The following C1QTNF3 variants were observed in gnomAD, a reference collection of about 807,000 sequenced individuals.
The protein encoded by C1QTNF3 is C1q and TNF related 3, also known as complement C1q tumor necrosis factor-related protein 3.
C1QTNF3 carries 26 observed loss-of-function variants against 32.6 expected under a neutral mutation model. The observed-to-expected ratio is 0.80, with a 90% CI of 0.58 to 1.11. The LOEUF (loss-of-function observed/expected upper bound fraction) is 1.11. C1QTNF3 is among the 50% of genes least tolerant of loss of function. The pLI, the probability that C1QTNF3 is intolerant of heterozygous loss-of-function variation, is 0.00. For synonymous variants in C1QTNF3, 155 were observed against 146.0 expected (o/e 1.06, Z -0.44); for missense variants, 362 against 398.2 (o/e 0.91, Z 0.77).
At chr5:34,094,626 A>G in the C1QTNF3 span, among the ~76,000 whole-genome samples, 11 of 151,936 alleles carry the variant, frequency 7.2e-5, no homozygotes, top group African/African-American at 1.7e-4. Flanking sequence ...ATTAATACAT[A>G]TTAGATATTG....
chr5:34,110,910 T>C, the C1QTNF3 span, among the ~76,000 whole-genome samples: 1 of 151,860 alleles, frequency 6.6e-6, no homozygotes, highest in Non-Finnish European at 1.5e-5. Context: ...TTGATTTCTT[T>C]AGTAAAAAAA....
chr5:34,029,225 C>T (rs1754550233), intron 3 of C1QTNF3, among the ~76,000 whole-genome samples: 1 of 152,110 alleles, frequency 6.6e-6, no homozygotes, highest in Admixed American at 6.5e-5. Flanking sequence ...AATTCAAGGA[C>T]CTGAGAAACC....
chr5:34,030,759 A>T (rs1754591827), intron 3 of C1QTNF3, among the ~76,000 whole-genome samples: 1 of 152,248 alleles, frequency 6.6e-6, no homozygotes, highest in Non-Finnish European at 1.5e-5. Context: ...GCCATAAAAA[A>T]GAATGACATC....
the C1QTNF3 span, among the ~76,000 whole-genome samples, chr5:34,142,048 C>T: frequency 3.0e-4 from 46 of 152,246 alleles, no homozygotes; most frequent in South Asian, 7.9e-3. Flanking sequence ...TTATGTCCCC[C>T]TTGACAGGGC....
At chr5:34,194,745 A>C in the C1QTNF3 span, among the ~76,000 whole-genome samples, 34 of 152,296 alleles carry the variant, frequency 2.2e-4, no homozygotes, top group African/African-American at 8.0e-4. Flanking sequence ...TCCATGGGGG[A>C]CTAGTTTCAG....
the C1QTNF3 span, among the ~76,000 whole-genome samples, chr5:34,061,643 CTCTG>C: frequency 6.6e-5 from 10 of 152,336 alleles, no homozygotes; most frequent in African/African-American, 2.2e-4. Context: ...GGCTTGCACC[CTCTG>C]AAGCCATGGC....
chr5:34,174,431 T>C, the C1QTNF3 span, among the ~76,000 whole-genome samples: 1 of 152,152 alleles, frequency 6.6e-6, no homozygotes, highest in Non-Finnish European at 1.5e-5. Flanking sequence ...CCAGAAACCA[T>C]TCATCCTAGG....
At chr5:34,025,057 A>G (rs299603) in intron 4 of C1QTNF3, among the ~76,000 whole-genome samples, 63,247 of 152,092 alleles carry the variant, frequency 0.42, 13,963 homozygotes, top group South Asian at 0.66. Flanking sequence ...CAAATTAAAC[A>G]AAGAAGTATG....
the C1QTNF3 span, among the ~76,000 whole-genome samples, chr5:34,234,326 G>A: frequency 6.6e-6 from 1 of 152,110 alleles, no homozygotes; most frequent in African/African-American, 2.4e-5. Flanking sequence ...GTTAATGAAG[G>A]ATCTACTATT....
chr5:34,025,533 G>A (rs1314316016), intron 4 of C1QTNF3, among the ~76,000 whole-genome samples: 2 of 152,142 alleles, frequency 1.3e-5, no homozygotes, highest in African/African-American at 2.4e-5. Context: ...TTTGCACTAC[G>A]GTTTGGAGGT....
At chr5:34,084,492 C>T in the C1QTNF3 span, among the ~76,000 whole-genome samples, 1 of 151,250 alleles carries the variant, frequency 6.6e-6, no homozygotes, top group East Asian at 1.9e-4. Context: ...CTTTTTTCTC[C>T]CTAGAAAGAG....
At chr5:34,234,338 C>T in the C1QTNF3 span, among the ~76,000 whole-genome samples, 1 of 152,148 alleles carries the variant, frequency 6.6e-6, no homozygotes, top group South Asian at 2.1e-4. Flanking sequence ...TCTACTATTA[C>T]CAAATTGTAT....
the C1QTNF3 span, among the ~76,000 whole-genome samples, chr5:34,113,921 C>CA: frequency 6.6e-6 from 1 of 152,132 alleles, no homozygotes. Flanking sequence ...AGTGAACGTT[C>CA]AGCAGCATCT....
intron 4 of C1QTNF3, among the ~76,000 whole-genome samples, chr5:34,028,229 T>C (rs1430244797): frequency 2.0e-5 from 3 of 152,164 alleles, no homozygotes; most frequent in East Asian, 3.8e-4. Context: ...GCTTCGGCCT[T>C]CCAGAGTGCT....
chr5:34,063,671 C>T, the C1QTNF3 span, among the ~76,000 whole-genome samples: 40 of 152,188 alleles, frequency 2.6e-4, 1 homozygote, highest in South Asian at 8.3e-3. Flanking sequence ...GAGCTGTATA[C>T]CTAAATTGGG....
the C1QTNF3 span, among the ~76,000 whole-genome samples, chr5:34,209,420 AAAGTT>A: frequency 6.6e-6 from 1 of 151,208 alleles, no homozygotes; most frequent in Non-Finnish European, 1.5e-5. Context: ...ACTGAAAATA[AAAGTT>A]AATAAATAAA....
chr5:34,024,775 G>T (rs1377485881), intron 4 of C1QTNF3, among the ~76,000 whole-genome samples: 2 of 152,154 alleles, frequency 1.3e-5, no homozygotes, highest in Non-Finnish European at 2.9e-5. Flanking sequence ...TTCACTGAAT[G>T]ATTAAGAAGA....
the C1QTNF3 span, among the ~76,000 whole-genome samples, chr5:34,059,678 G>T: frequency 6.6e-6 from 1 of 152,148 alleles, no homozygotes; most frequent in Non-Finnish European, 1.5e-5. Context: ...CAGCTTGGGG[G>T]TTTAGAGCTC....
the C1QTNF3 span, among the ~76,000 whole-genome samples, chr5:34,089,749 C>T: frequency 6.6e-6 from 1 of 152,210 alleles, no homozygotes; most frequent in Non-Finnish European, 1.5e-5. Context: ...TCAAAAAATA[C>T]TAGCATGCAT....
Sources: gnomAD v4.1 joint callset for allele counts (sites outside exome capture counted in the v4.1 genomes callset) on GRCh38, gnomAD v4.1.1 for gene constraint, MANE v1.5 for transcripts, NCBI Gene and HGNC (gene_info 2026-07-23, HGNC 2026-07-21) for gene names.